The following CHRM2 variants were observed in gnomAD, a reference collection of about 807,000 sequenced individuals.
CHRM2 encodes muscarinic acetylcholine receptor M2.
In CHRM2, 8 loss-of-function variants were observed where a neutral mutation model predicts 25.0. That is an observed-to-expected ratio of 0.32 (90% CI 0.19 to 0.58). The LOEUF (loss-of-function observed/expected upper bound fraction) is 0.58. Ranked by LOEUF, CHRM2 falls within the 20% of genes least tolerant of loss-of-function variation. CHRM2 has a pLI of 0.88. For missense variants in CHRM2, 440 were observed against 567.1 expected, an observed-to-expected ratio of 0.78 and a Z score of 2.28; for synonymous variants, 202 against 205.7, an observed-to-expected ratio of 0.98 and a Z score of 0.15.
intron 2 of CHRM2, among the ~76,000 whole-genome samples, chr7:136,900,419 T>C (rs1797133444): frequency 6.6e-6 from 1 of 152,114 alleles, no homozygotes; most frequent in African/African-American, 2.4e-5. Context: ...GGAGGCTGCG[T>C]TGAAAACTAA....
rs1414538755 is a variant in CHRM2, at chr7:137,018,731, T to C, written c.*2465T>C. On this transcript the variant is annotated 3_prime_UTR_variant, in exon 4 of 4. Coordinates refer to ENST00000680005, the MANE Select transcript of CHRM2 (RefSeq NM_001006630.2). ...CCTTGCCACAGCCACTGCAACCTCA[T>C]TGAAAGAGAAACTGTCACTTTAAAG... is the stretch of plus-strand genomic sequence containing the variant. 1.3e-5 allele frequency: 2 copies of C among 151,750 alleles called. No individual in the cohort carries two copies. Among genetic ancestry groups the C allele is most frequent in the East Asian group, 2.0e-4 (1 of 5,128 alleles). 9.4% of individuals were successfully genotyped at this position (151,750 alleles called of 1,614,324 possible). A position where few individuals can be genotyped will look rare whatever the true frequency, so the allele number is the denominator to read the frequency against.
intron 2 of CHRM2, among the ~76,000 whole-genome samples, chr7:136,917,273 C>T (rs1307124350): frequency 6.6e-6 from 1 of 151,592 alleles, no homozygotes; most frequent in African/African-American, 2.4e-5. Context: ...CTTAGATGTT[C>T]AAATATTTTC....
intron 2 of CHRM2, among the ~76,000 whole-genome samples, chr7:136,882,831 CT>C: frequency 1.3e-5 from 2 of 152,114 alleles, no homozygotes; most frequent in Middle Eastern, 6.8e-3. Flanking sequence ...AGAGACCAGA[CT>C]TTTTTGTTTA....
intron 2 of CHRM2, among the ~76,000 whole-genome samples, chr7:136,875,061 A>G (rs1795995257): frequency 6.7e-6 from 1 of 149,840 alleles, no homozygotes; most frequent in African/African-American, 2.4e-5. Flanking sequence ...ATGTGTGTGT[A>G]TGTGTGTATA....
intron 2 of CHRM2, among the ~76,000 whole-genome samples, chr7:136,913,809 A>T (rs534050675): frequency 3.3e-5 from 5 of 151,554 alleles, no homozygotes; most frequent in African/African-American, 9.7e-5. Flanking sequence ...GTAGATGGAC[A>T]TATCTGGGAT....
At chr7:136,919,119 T>C (rs1318049210) in intron 2 of CHRM2, among the ~76,000 whole-genome samples, 1 of 152,150 alleles carries the variant, frequency 6.6e-6, no homozygotes, top group South Asian at 2.1e-4. Context: ...AGACATGTTA[T>C]AATATTTTAT....
intron 3 of CHRM2, 145 bp from the exon 4 acceptor site, chr7:137,014,675 G>A: frequency 3.2e-6 from 2 of 630,574 alleles, no homozygotes; most frequent in Non-Finnish European, 5.5e-6. Context: ...TTTTTACATG[G>A]GGAATTGAGG....
chr7:136,916,610 G>A (rs1442720245), intron 2 of CHRM2, among the ~76,000 whole-genome samples: 2 of 150,376 alleles, frequency 1.3e-5, no homozygotes, highest in Admixed American at 1.3e-4. Context: ...CCTTTTATTT[G>A]CTTATCTCTT....
intron 2 of CHRM2, among the ~76,000 whole-genome samples, chr7:136,931,669 A>C (rs2130781841): frequency 6.6e-6 from 1 of 152,314 alleles, no homozygotes; most frequent in Non-Finnish European, 1.5e-5. Flanking sequence ...ACTCCTGTAT[A>C]GTACTCTCCT....
chr7:136,884,084 T>C (rs920414314), intron 2 of CHRM2, among the ~76,000 whole-genome samples: 1 of 152,194 alleles, frequency 6.6e-6, no homozygotes, highest in African/African-American at 2.4e-5. Context: ...CATAAAAATA[T>C]ATCAACTTAA....
At chr7:136,873,630 T>C (rs1317427697) in intron 2 of CHRM2, among the ~76,000 whole-genome samples, 2 of 152,196 alleles carry the variant, frequency 1.3e-5, no homozygotes, top group Non-Finnish European at 2.9e-5. Flanking sequence ...GCCCCTGGAT[T>C]CAAACACAAG....
chr7:136,922,630 T>A (rs960705905), intron 2 of CHRM2, among the ~76,000 whole-genome samples: 2 of 152,176 alleles, frequency 1.3e-5, no homozygotes, highest in African/African-American at 4.8e-5. Context: ...TTCCTCTGCA[T>A]CTTGGCGCCT....
chr7:136,873,992 T>C (rs930743833), intron 2 of CHRM2, among the ~76,000 whole-genome samples: 1 of 152,200 alleles, frequency 6.6e-6, no homozygotes, highest in Non-Finnish European at 1.5e-5. Flanking sequence ...GTCTGATGCA[T>C]AGTAATAAAA....
intron 2 of CHRM2, among the ~76,000 whole-genome samples, chr7:136,895,930 A>T (rs899241887): frequency 3.3e-5 from 5 of 152,124 alleles, no homozygotes; most frequent in African/African-American, 1.2e-4. Flanking sequence ...TGGATTGGGG[A>T]GACCTTCTAA....
At chr7:136,945,499 CTTTG>C (rs1490967366) in intron 2 of CHRM2, among the ~76,000 whole-genome samples, 2 of 151,972 alleles carry the variant, frequency 1.3e-5, no homozygotes, top group Non-Finnish European at 2.9e-5. Context: ...CCTTTCCCCA[CTTTG>C]TTTGTGTTTG....
At chr7:136,959,005 T>C (rs1190934476) in intron 2 of CHRM2, among the ~76,000 whole-genome samples, 1 of 152,142 alleles carries the variant, frequency 6.6e-6, no homozygotes, top group Non-Finnish European at 1.5e-5. Context: ...CTTTTAGAGA[T>C]GTCTGAAAAG....
At chr7:136,919,878 A>G (rs1371698834) in intron 2 of CHRM2, among the ~76,000 whole-genome samples, 1 of 152,112 alleles carries the variant, frequency 6.6e-6, no homozygotes, top group Admixed American at 6.6e-5. Context: ...TACTTCAGTC[A>G]AAGTGGTCAT....
intron 2 of CHRM2, among the ~76,000 whole-genome samples, chr7:136,873,046 T>C (rs761168189): frequency 1.1e-4 from 17 of 152,210 alleles, no homozygotes; most frequent in Non-Finnish European, 1.8e-4. Flanking sequence ...TTTTCTTTAT[T>C]TAAACTTATA....
At chr7:136,958,436 A>T (rs900777276) in intron 2 of CHRM2, among the ~76,000 whole-genome samples, 2 of 149,574 alleles carry the variant, frequency 1.3e-5, no homozygotes, top group African/African-American at 4.9e-5. Context: ...TAAAATGAAG[A>T]AGCAGTGTCA....
Sources: gnomAD v4.1 joint callset for allele counts (sites outside exome capture counted in the v4.1 genomes callset) on GRCh38, gnomAD v4.1.1 for gene constraint, MANE v1.5 for transcripts, NCBI Gene and HGNC (gene_info 2026-07-23, HGNC 2026-07-21) for gene names.